Variants in NAALADL2 observed in about 807,000 individuals in gnomAD.
The protein encoded by NAALADL2 is N-acetylated alpha-linked acidic dipeptidase like 2.
NAALADL2 carries 76 observed loss-of-function variants against 87.2 expected under a neutral mutation model. That is an observed-to-expected ratio of 0.87 (90% CI 0.72 to 1.05). The LOEUF (loss-of-function observed/expected upper bound fraction) is 1.05, where lower values mean the gene tolerates loss of function less well. Among genes scored for constraint, NAALADL2 ranks in the 50% least tolerant of loss-of-function variants. The pLI is 0.00. For missense variants in NAALADL2, 1,089 were observed against 945.8 expected (o/e 1.15, Z -1.99); for synonymous variants, 354 against 331.0 (o/e 1.07, Z -0.75).
chr3:175,457,577 T>A (rs1722503368), intron 6 of NAALADL2, among the ~76,000 whole-genome samples: 1 of 152,098 alleles, frequency 6.6e-6, no homozygotes, highest in African/African-American at 2.4e-5. Flanking sequence ...TGCAGTGCAG[T>A]GGCACCATTT....
intron 5 of NAALADL2, among the ~76,000 whole-genome samples, chr3:175,342,257 A>T (rs555186420): frequency 1.3e-5 from 2 of 152,290 alleles, no homozygotes; most frequent in Middle Eastern, 6.8e-3. Context: ...TAGGTTTCAG[A>T]TAAGAAGCTA....
chr3:174,637,784 C>T (rs1174610681), intron 2 of NAALADL2, among the ~76,000 whole-genome samples: 2 of 151,946 alleles, frequency 1.3e-5, no homozygotes, highest in Admixed American at 1.3e-4. Flanking sequence ...TAGAAAAATA[C>T]ACATGTATAT....
intron 2 of NAALADL2, among the ~76,000 whole-genome samples, chr3:175,188,665 G>C (rs955241474): frequency 6.6e-6 from 1 of 152,138 alleles, no homozygotes; most frequent in Admixed American, 6.5e-5. Context: ...GGCTCCCCAG[G>C]AAGTGGGGTC....
chr3:175,705,244 A>G (rs1029635919), intron 11 of NAALADL2, among the ~76,000 whole-genome samples: 4 of 152,152 alleles, frequency 2.6e-5, no homozygotes, highest in African/African-American at 9.7e-5. Flanking sequence ...AGGTCCATAG[A>G]GTAAAAAACG....
chr3:174,548,732 A>G (rs1343843977), intron 1 of NAALADL2, among the ~76,000 whole-genome samples: 1 of 152,204 alleles, frequency 6.6e-6, no homozygotes, highest in African/African-American at 2.4e-5. Context: ...ACTGACTCCT[A>G]TCATTTTTAT....
chr3:175,600,525 C>CTTTTTTTTTTTTTTTTTTTTTTTT (rs869212429), intron 10 of NAALADL2, among the ~76,000 whole-genome samples: 1 of 61,040 alleles, frequency 1.6e-5, no homozygotes, highest in Non-Finnish European at 2.9e-5. Flanking sequence ...GTGTCTTAGT[C>CTTTTTTTTTTTTTTTTTTTTTTTT]TTTTTTTTTT....
intron 1 of NAALADL2, among the ~76,000 whole-genome samples, chr3:174,994,132 G>C (rs1747109034): frequency 6.6e-6 from 1 of 152,316 alleles, no homozygotes; most frequent in Admixed American, 6.5e-5. Context: ...TGTGTTGGGG[G>C]AAGGTGACAC....
chr3:175,019,516 A>G (rs970288794), intron 1 of NAALADL2, among the ~76,000 whole-genome samples: 1 of 152,074 alleles, frequency 6.6e-6, no homozygotes, highest in Non-Finnish European at 1.5e-5. Flanking sequence ...GACACAGTAC[A>G]TTGAACATGT....
intron 1 of NAALADL2, among the ~76,000 whole-genome samples, chr3:174,535,800 G>A (rs1275352904): frequency 1.3e-5 from 2 of 152,032 alleles, no homozygotes; most frequent in East Asian, 3.9e-4. Context: ...TAGCTGATAG[G>A]TGCTGGGCTA....
At chr3:175,531,251 G>A (rs1048251578) in intron 9 of NAALADL2, among the ~76,000 whole-genome samples, 6 of 151,790 alleles carry the variant, frequency 4.0e-5, no homozygotes, top group East Asian at 2.0e-4. Context: ...CTCCAAAATC[G>A]AAATAGGCCC....
chr3:174,768,471 A>G (rs1714131563), intron 3 of NAALADL2, among the ~76,000 whole-genome samples: 1 of 152,158 alleles, frequency 6.6e-6, no homozygotes, highest in African/African-American at 2.4e-5. Flanking sequence ...TAATGTAGGT[A>G]TGTTCTGTGG....
intron 9 of NAALADL2, among the ~76,000 whole-genome samples, chr3:175,482,763 T>A (rs1182795067): frequency 6.6e-6 from 1 of 151,832 alleles, no homozygotes; most frequent in African/African-American, 2.4e-5. Context: ...ATCTGGATAA[T>A]ATTCTGATAT....
intron 1 of NAALADL2, among the ~76,000 whole-genome samples, chr3:174,492,025 T>C (rs1718226895): frequency 6.6e-6 from 1 of 152,128 alleles, no homozygotes; most frequent in East Asian, 1.9e-4. Context: ...ATCCCAGCAC[T>C]TTAGGAGGCC....
intron 1 of NAALADL2, among the ~76,000 whole-genome samples, chr3:174,883,015 C>G (rs1451922595): frequency 6.6e-6 from 1 of 151,834 alleles, no homozygotes; most frequent in Admixed American, 6.6e-5. Flanking sequence ...CAAGGAAAGC[C>G]AGTCCGAGAT....
intron 5 of NAALADL2, among the ~76,000 whole-genome samples, chr3:175,346,151 T>C (rs189400209): frequency 6.3e-4 from 96 of 152,224 alleles, no homozygotes; most frequent in African/African-American, 2.2e-3. Flanking sequence ...TCTGAATATA[T>C]AAATGAAATA....
At chr3:175,218,805 T>C (rs1327567984) in intron 2 of NAALADL2, among the ~76,000 whole-genome samples, 1 of 151,950 alleles carries the variant, frequency 6.6e-6, no homozygotes, top group Non-Finnish European at 1.5e-5. Flanking sequence ...TATTTTATTT[T>C]ATTTTGTTTT....
intron 11 of NAALADL2, among the ~76,000 whole-genome samples, chr3:175,649,270 A>G (rs1730428108): frequency 6.6e-6 from 1 of 152,202 alleles, no homozygotes; most frequent in African/African-American, 2.4e-5. Flanking sequence ...TAAAGAAAAC[A>G]TAAAATAGTC....
intron 2 of NAALADL2, among the ~76,000 whole-genome samples, chr3:174,573,609 A>T (rs1225104278): frequency 6.6e-6 from 1 of 152,072 alleles, no homozygotes; most frequent in Non-Finnish European, 1.5e-5. Context: ...AGGGCCTCAG[A>T]CTGCTATTGC....
intron 13 of NAALADL2, among the ~76,000 whole-genome samples, chr3:175,784,525 T>C (rs1413254179): frequency 3.9e-4 from 54 of 139,788 alleles, no homozygotes; most frequent in Admixed American, 3.5e-4. Flanking sequence ...TGGTAGTTTG[T>C]ATTTCTGTGG....
Sources: allele counts gnomAD v4.1 joint callset (sites outside exome capture counted in the v4.1 genomes callset), GRCh38; gene constraint gnomAD v4.1.1; transcripts MANE v1.5; gene names NCBI Gene and HGNC (gene_info 2026-07-23, HGNC 2026-07-21).